ABCC11: variants seen among roughly 807,000 people sequenced by gnomAD.
ABCC11 encodes ATP-binding cassette sub-family C member 11.
Under a neutral mutation model 149.3 loss-of-function variants are expected in ABCC11, and 135 were observed. The observed-to-expected ratio is 0.90, with a 90% CI of 0.79 to 1.04. ABCC11 has a LOEUF of 1.04. ABCC11 is among the 50% of genes least tolerant of loss of function. The probability of loss-of-function intolerance (pLI) is 0.00; values close to 1 mark genes in which losing one functional copy is unlikely to be tolerated. For missense variants in ABCC11, 1,680 were observed against 1,722.1 expected, an observed-to-expected ratio of 0.98 and a Z score of 0.43; for synonymous variants, 665 against 671.4, an observed-to-expected ratio of 0.99 and a Z score of 0.15.
At chr16:48,237,143 G>A (rs1244784872) in intron 1 of ABCC11, among the ~76,000 whole-genome samples, 1 of 152,212 alleles carries the variant, frequency 6.6e-6, no homozygotes. Flanking sequence ...AAGCCTGAAT[G>A]AATGCAGCCC....
At position 48,170,868 on chromosome 16, in the gene ABCC11, T is replaced by G. The variant is rs754760265; in HGVS notation, c.3777+21A>C. The G allele has an allele frequency of 1.7e-5, 28 of 1,600,860 alleles. No individual in the cohort carries two copies. In the Admixed American group the frequency reaches 4.7e-4, roughly 27 times the overall value. ...GGGCGATGCAGACTTAGACCAAGAC[T>G]TGGGCCTTGGAGCTACTTACGGCCT... On this transcript the variant is annotated intron_variant, in intron 27 of 29. Transcript: ENST00000356608.
At chr16:48,231,730 T>A in intron 2 of ABCC11, 93 bp downstream of exon 2, 2 of 1,502,628 alleles carry the variant, frequency 1.3e-6, no homozygotes, top group East Asian at 2.4e-5. Context: ...GGTAAATAAG[T>A]ATGGGAAGAA....
chr16:48,228,094 G>C, intron 3 of ABCC11, 130 bp from the exon 4 acceptor site: 2 of 887,670 alleles, frequency 2.3e-6, no homozygotes, highest in South Asian at 4.1e-5. Flanking sequence ...ACTCTTATTT[G>C]TAAGTTGAAA....
At chr16:48,200,757 T>G (rs1392024218) in intron 14 of ABCC11, among the ~76,000 whole-genome samples, 1 of 151,988 alleles carries the variant, frequency 6.6e-6, no homozygotes. Flanking sequence ...GAGGTGAGAA[T>G]GAAGAGAGGT....
intron 13 of ABCC11, 83 bp from the exon 14 acceptor site, chr16:48,203,383 G>T: frequency 7.8e-7 from 1 of 1,290,190 alleles, no homozygotes; most frequent in Non-Finnish European, 1.1e-6. Context: ...GAATGGTCTT[G>T]ATTTTCATGC....
rs1965381669 is a variant in ABCC11, at chr16:48,167,211, G to A, written c.*63C>T. On this transcript the variant is annotated 3_prime_UTR_variant, in exon 30 of 30. Coordinates refer to ENST00000356608, the MANE Select transcript of ABCC11 (RefSeq NM_001370497.1). ...AAGAAGGTCGCAGACTGTGGGCCTC[G>A]AAGCTGCACCTGTGTGAACCTCTGA... The A allele has an allele frequency of 1.0e-5, 8 of 767,000 alleles. No homozygotes were observed. Among genetic ancestry groups the A allele is most frequent in the Non-Finnish European group, 1.9e-5 (8 of 411,172 alleles). The allele number at this position is 767,000 out of a possible 1,614,324, so 47.5% of individuals were successfully genotyped here. A position where few individuals can be genotyped will look rare whatever the true frequency, so the allele number is the denominator to read the frequency against.
intron 11 of ABCC11, chr16:48,210,663 T>A (rs1402050446): frequency 1.4e-5 from 6 of 415,604 alleles, no homozygotes; most frequent in Non-Finnish European, 2.6e-5. Context: ...CTCCTTTCCC[T>A]TCTCCTTTCT....
intron 25 of ABCC11, among the ~76,000 whole-genome samples, chr16:48,176,577 A>T (rs1210179478): frequency 6.6e-6 from 1 of 152,064 alleles, no homozygotes; most frequent in African/African-American, 2.4e-5. Flanking sequence ...CCCGGACCCT[A>T]TACCCCTCAG....
intron 6 of ABCC11, among the ~76,000 whole-genome samples, chr16:48,219,858 G>C (rs1237622440): frequency 1.3e-5 from 2 of 152,056 alleles, no homozygotes; most frequent in African/African-American, 4.8e-5. Flanking sequence ...GCACACACCT[G>C]TAGTCCCAGC....
chr16:48,193,185 C>T (rs1484509168), intron 19 of ABCC11, among the ~76,000 whole-genome samples: 3 of 152,166 alleles, frequency 2.0e-5, no homozygotes, highest in Non-Finnish European at 2.9e-5. Context: ...AGCTGAGATC[C>T]CTGATGGCCA....
intron 19 of ABCC11, among the ~76,000 whole-genome samples, chr16:48,193,377 G>A (rs970849489): frequency 3.9e-5 from 6 of 152,054 alleles, no homozygotes; most frequent in Admixed American, 6.6e-5. Context: ...TTCAAGTTCC[G>A]GCCCTGTCCT....
intron 10 of ABCC11, among the ~76,000 whole-genome samples, chr16:48,211,941 A>T (rs1202227285): frequency 6.6e-6 from 1 of 152,174 alleles, no homozygotes; most frequent in Non-Finnish European, 1.5e-5. Context: ...TGCTTAAGAG[A>T]TCTAGAAGGA....
chr16:48,241,792 G>A (rs1970981237), intron 1 of ABCC11, among the ~76,000 whole-genome samples: 1 of 152,114 alleles, frequency 6.6e-6, no homozygotes, highest in African/African-American at 2.4e-5. Context: ...CAAGAAATGG[G>A]GAAAGGATTC....
Position 48,225,469 on chromosome 16 carries a change from T to C in ABCC11, c.396-1040A>G, listed in dbSNP as rs139051922. 4.3e-3 allele frequency among the ~76,000 whole-genome samples: 660 copies of C among 152,360 alleles called. 2 individuals carry two copies. The highest frequency in any genetic ancestry group is 5.9e-3 in the Non-Finnish European group (399 of 68,034). Reference sequence around the variant, plus strand: ...GAGAAACTGATTTTTATTTATCCTGTAGGATCTCCCACACTCTGAACTGGA... The same window carrying C: ...GAGAAACTGATTTTTATTTATCCTGCAGGATCTCCCACACTCTGAACTGGA... On this transcript the variant is annotated intron_variant, in intron 4 of 29. Coordinates refer to ENST00000356608, the MANE Select transcript of ABCC11 (RefSeq NM_001370497.1).
chr16:48,178,376 A>G lies in ABCC11; in HGVS notation c.3348+221T>C, dbSNP rs544114060. The stretch of plus-strand genomic sequence containing the variant: ...GAGAAGATGATCTCCTCTTCCCCCT[A>G]GGAATGCTGTGAGGGATGTGGTCAA... On this transcript the variant is annotated intron_variant, in intron 24 of 29. Transcript: ENST00000356608. Among the ~76,000 whole-genome samples, 20 of 152,236 alleles carry G rather than the reference A, an allele frequency of 1.3e-4. No homozygotes were observed. In the South Asian group the frequency reaches 3.5e-3, roughly 27 times the overall value.
chr16:48,182,803 A>ATCC (rs1966528487), intron 23 of ABCC11, among the ~76,000 whole-genome samples: 1 of 151,606 alleles, frequency 6.6e-6, no homozygotes, highest in Admixed American at 6.6e-5. Flanking sequence ...AAAAAAAGGA[A>ATCC]CATGTGGTTC....
At chr16:48,209,722 T>A (rs1968753531) in intron 11 of ABCC11, 1 of 152,160 alleles carries the variant, frequency 6.6e-6, no homozygotes, top group Non-Finnish European at 1.5e-5. Flanking sequence ...AGATACAAAC[T>A]ACCTATTGGG....
rs755356599 is a variant in ABCC11, at chr16:48,184,585, A to C, written c.3113T>G (p.Leu1038Trp). Residue 1038 changes from leucine (L) to tryptophan (W), a missense_variant, in exon 23 of 30, where the codon TTG becomes TGG. Physicochemically the swap from Leu to Trp is moderately conservative, Grantham distance 61. Coordinates refer to ENST00000356608, the MANE Select transcript of ABCC11 (RefSeq NM_001370497.1). ...LTDAQNNYLL[L>W]FLSSTRWMAL... ...CATCCATCGTGTGGAAGATAGAAAC[A>C]ACAGCAGGTAGTTATTCTGCGCATC... 17 of 1,614,082 alleles carry C rather than the reference A, an allele frequency of 1.1e-5. No individual in the cohort carries two copies. The East Asian group carries it at 3.8e-4, about 36-fold the overall frequency.
intron 1 of ABCC11, among the ~76,000 whole-genome samples, chr16:48,240,246 T>C (rs941767336): frequency 1.3e-5 from 2 of 152,054 alleles, no homozygotes; most frequent in Non-Finnish European, 2.9e-5. Context: ...GCAGCACTAG[T>C]CACAATAACA....
Sources: gnomAD v4.1 joint callset for allele counts (sites outside exome capture counted in the v4.1 genomes callset) on GRCh38, gnomAD v4.1.1 for gene constraint, MANE v1.5 for transcripts, NCBI Gene and HGNC (gene_info 2026-07-23, HGNC 2026-07-21) for gene names.